Variants in FAF1 observed in about 807,000 individuals in gnomAD.
The protein encoded by FAF1 is Fas associated factor 1, also known as FAS-associated factor 1.
Under a neutral mutation model 92.5 loss-of-function variants are expected in FAF1, and 25 were observed. That is an observed-to-expected ratio of 0.27 (90% CI 0.20 to 0.38). The LOEUF (loss-of-function observed/expected upper bound fraction) is 0.38, where lower values mean the gene tolerates loss of function less well. Among genes scored for constraint, FAF1 ranks in the 10% least tolerant of loss-of-function variants. The pLI is 1.00. For synonymous variants in FAF1, 234 were observed against 273.2 expected, an observed-to-expected ratio of 0.86 and a Z score of 1.42; for missense variants, 636 against 793.3, an observed-to-expected ratio of 0.80 and a Z score of 2.38.
chr1:50,781,143 G>A (rs1385523991), intron 4 of FAF1: 2 of 271,782 alleles, frequency 7.4e-6, no homozygotes, highest in Admixed American at 4.4e-5. Context: ...TCCTCCGGGT[G>A]CCCCGGTGAG....
At chr1:50,925,531 A>G (rs1013242582) in intron 1 of FAF1, among the ~76,000 whole-genome samples, 4 of 152,220 alleles carry the variant, frequency 2.6e-5, no homozygotes, top group Non-Finnish European at 5.9e-5. Flanking sequence ...AAACGAAGAC[A>G]TAGAAATGGC....
intron 4 of FAF1, among the ~76,000 whole-genome samples, chr1:50,757,577 G>A (rs1017450966): frequency 6.6e-6 from 1 of 152,092 alleles, no homozygotes; most frequent in Non-Finnish European, 1.5e-5. Flanking sequence ...TTCAGGTTAT[G>A]ATTACAATTT....
intron 13 of FAF1, among the ~76,000 whole-genome samples, chr1:50,551,338 T>G (rs1008362141): frequency 1.3e-5 from 2 of 152,200 alleles, no homozygotes; most frequent in Admixed American, 6.5e-5. Context: ...ATGGTACACA[T>G]ATGGTACACA....
In FAF1 at chr1:50,960,046, C is replaced by G. The variant is rs894614773; in HGVS notation, c.-235G>C. ...CCGCCCGCCTGCAACCTGCGGAGCC[C>G]GCGTCGCAGCAGCCCGGACAGGAAG... On this transcript the variant is annotated 5_prime_UTR_variant, in exon 1 of 19. Transcript: ENST00000396153. 7 of 395,494 alleles carry G rather than the reference C, an allele frequency of 1.8e-5. No individual in the cohort carries two copies. Among genetic ancestry groups the G allele is most frequent in the Non-Finnish European group, 2.7e-5 (6 of 224,160 alleles). The allele number at this position is 395,494 out of a possible 1,614,324, so 24.5% of individuals were successfully genotyped here.
chr1:50,497,828 G>A (rs948560222), intron 15 of FAF1, among the ~76,000 whole-genome samples: 4 of 152,052 alleles, frequency 2.6e-5, no homozygotes, highest in Admixed American at 1.3e-4. Flanking sequence ...GATTACAGGT[G>A]TGTGCCACCG....
intron 8 of FAF1, among the ~76,000 whole-genome samples, chr1:50,609,763 G>A (rs893542574): frequency 5.9e-5 from 9 of 151,428 alleles, no homozygotes; most frequent in South Asian, 2.1e-4. Flanking sequence ...TAATTTTGGG[G>A]ATGCAGGAAC....
intron 9 of FAF1, among the ~76,000 whole-genome samples, chr1:50,595,710 T>C (rs1416682171): frequency 6.6e-6 from 1 of 151,522 alleles, no homozygotes; most frequent in Non-Finnish European, 1.5e-5. Flanking sequence ...ACCTGGCTAA[T>C]TTTTGTATTT....
At chr1:50,492,030 G>GTATA in intron 15 of FAF1, among the ~76,000 whole-genome samples, 1 of 152,246 alleles carries the variant, frequency 6.6e-6, no homozygotes, top group African/African-American at 2.4e-5. Flanking sequence ...GTGTGACCTT[G>GTATA]TATAAGTTAT....
chr1:50,446,955 G>C (rs1646233762), intron 18 of FAF1, among the ~76,000 whole-genome samples: 1 of 151,808 alleles, frequency 6.6e-6, no homozygotes, highest in South Asian at 2.1e-4. Context: ...GGCAGAACCA[G>C]AACCCAGGCC....
At chr1:50,460,574 C>T (rs979979372) in intron 18 of FAF1, among the ~76,000 whole-genome samples, 3 of 151,686 alleles carry the variant, frequency 2.0e-5, no homozygotes, top group South Asian at 4.2e-4. Context: ...TACATATATG[C>T]ATGTATGTGT....
intron 7 of FAF1, among the ~76,000 whole-genome samples, chr1:50,673,247 A>C (rs1311007025): frequency 6.6e-6 from 1 of 151,246 alleles, no homozygotes; most frequent in Non-Finnish European, 1.5e-5. Context: ...ACAGAGCGAG[A>C]CTCTGTCTCA....
chr1:50,920,608 C>G (rs1382614220), intron 1 of FAF1, among the ~76,000 whole-genome samples: 2 of 152,192 alleles, frequency 1.3e-5, no homozygotes, highest in Admixed American at 1.3e-4. Flanking sequence ...CCCAGCAATG[C>G]AAGGTTGGTT....
chr1:50,526,013 T>A (rs1647775915), intron 15 of FAF1, among the ~76,000 whole-genome samples: 1 of 152,218 alleles, frequency 6.6e-6, no homozygotes, highest in African/African-American at 2.4e-5. Flanking sequence ...ATCATAACTT[T>A]TAGATAATAA....
At chr1:50,941,734 G>T (rs1229338457) in intron 1 of FAF1, among the ~76,000 whole-genome samples, 1 of 152,048 alleles carries the variant, frequency 6.6e-6, no homozygotes, top group Non-Finnish European at 1.5e-5. Context: ...CACAACTGTG[G>T]GCATAACAAT....
chr1:50,785,035 T>C (rs1208408310), intron 4 of FAF1, among the ~76,000 whole-genome samples: 1 of 151,438 alleles, frequency 6.6e-6, no homozygotes, highest in Non-Finnish European at 1.5e-5. Flanking sequence ...TCTCATGGTA[T>C]TGTGTGAATT....
chr1:50,699,377 T>C (rs1657370983), intron 7 of FAF1, among the ~76,000 whole-genome samples: 1 of 152,104 alleles, frequency 6.6e-6, no homozygotes, highest in South Asian at 2.1e-4. Context: ...CTTTGGTTAA[T>C]AATCAGAATT....
intron 13 of FAF1, among the ~76,000 whole-genome samples, chr1:50,559,143 T>G (rs1649738204): frequency 6.6e-6 from 1 of 151,718 alleles, no homozygotes; most frequent in South Asian, 2.1e-4. Flanking sequence ...CCCAGCTACT[T>G]GGGAGGCTAA....
intron 8 of FAF1, among the ~76,000 whole-genome samples, chr1:50,655,177 A>G (rs527505178): frequency 8.1e-4 from 124 of 152,158 alleles, no homozygotes; most frequent in African/African-American, 2.9e-3. Flanking sequence ...GGCCGCCACC[A>G]TGCCCAGCTA....
At chr1:50,827,635 A>AAAAT (rs555516630) in intron 2 of FAF1, among the ~76,000 whole-genome samples, 2,456 of 146,534 alleles carry the variant, frequency 0.017, 71 homozygotes, top group African/African-American at 0.063. Context: ...TAAATACTAA[A>AAAAT]AAATAAATAA....
Sources: gnomAD v4.1 joint callset for allele counts (sites outside exome capture counted in the v4.1 genomes callset) on GRCh38, gnomAD v4.1.1 for gene constraint, MANE v1.5 for transcripts, NCBI Gene and HGNC (gene_info 2026-07-23, HGNC 2026-07-21) for gene names.